Variants in RIN3 observed in about 807,000 individuals in gnomAD.
RIN3 encodes RAB5 interacting protein 3.
Under a neutral mutation model 76.3 loss-of-function variants are expected in RIN3, and 54 were observed. The ratio of observed to expected loss-of-function variants is 0.71; its 90% CI spans 0.57 to 0.89. The LOEUF is 0.89. Among genes scored for constraint, RIN3 ranks in the 40% least tolerant of loss-of-function variants. The pLI is 0.00. For missense variants in RIN3, 1,256 were observed against 1,322.1 expected (o/e 0.95, Z 0.78); for synonymous variants, 576 against 564.0 (o/e 1.02, Z -0.30).
intron 3 of RIN3, among the ~76,000 whole-genome samples, chr14:92,589,463 G>A (rs1200266605): frequency 1.3e-5 from 2 of 152,136 alleles, no homozygotes; most frequent in African/African-American, 4.8e-5. Context: ...AATACTGGTC[G>A]ACTGGCTAAT....
intron 3 of RIN3, among the ~76,000 whole-genome samples, chr14:92,579,031 G>A (rs10431639): frequency 0.6 from 91,304 of 151,650 alleles, 28,172 homozygotes; most frequent in Non-Finnish European, 0.67. Flanking sequence ...GGGTTCAAGC[G>A]ATTCTCCTGC....
intron 1 of RIN3, among the ~76,000 whole-genome samples, chr14:92,548,582 C>G (rs1432410830): frequency 1.3e-5 from 2 of 152,134 alleles, no homozygotes; most frequent in Admixed American, 6.5e-5. Context: ...ATGCCTCTCC[C>G]CGAGCTCCTG....
chr14:92,623,827 A>C lies in RIN3; in HGVS notation c.440+8348A>C, dbSNP rs750623697. Among the ~76,000 whole-genome samples the C allele has an allele frequency of 2.6e-5, 4 of 152,130 alleles. No individual in the cohort carries two copies. The highest frequency in any genetic ancestry group is 5.9e-5 in the Non-Finnish European group (4 of 68,020). Reference sequence around the variant, plus strand: ...CCTTTAGGTCCCCAAGAAACTCCAAATTTTTTCCCTGTCGTGAGAGACAGG... The same window carrying C: ...CCTTTAGGTCCCCAAGAAACTCCAACTTTTTTCCCTGTCGTGAGAGACAGG... On this transcript the variant is annotated intron_variant, in intron 4 of 9. Transcript: ENST00000216487. The surrounding 1 kb of genome is among the most constrained non-coding windows in gnomAD (Gnocchi z 4.9).
rs532017124 is a variant in RIN3 at position 92,568,979 on chromosome 14, C to G, written c.250-8381C>G. ...GGCCCTAGTCCTGCTCTGGCAGTTG[C>G]CAGCTGTGTGGCTCTGGGGAGGACT... On this transcript the variant is annotated intron_variant, in intron 2 of 9. Coordinates refer to ENST00000216487, the MANE Select transcript of RIN3 (RefSeq NM_024832.5). The surrounding 1 kb of genome is among the most constrained non-coding windows in gnomAD (Gnocchi z 4.2). Among the ~76,000 whole-genome samples, 10 of 152,328 alleles carry G rather than the reference C, an allele frequency of 6.6e-5. No homozygotes were observed. The highest frequency in any genetic ancestry group is 5.9e-4 in the Admixed American group (9 of 15,304).
chr14:92,670,595 A>C (rs938144201), intron 7 of RIN3, among the ~76,000 whole-genome samples: 1 of 152,162 alleles, frequency 6.6e-6, no homozygotes, highest in Non-Finnish European at 1.5e-5. Context: ...GTCCATGAGG[A>C]GCTATCATGC....
At position 92,554,091 on chromosome 14, in the gene RIN3, G is replaced by A. The variant is rs77833951; in HGVS notation, c.45-1660G>A. The stretch of plus-strand genomic sequence containing the variant: ...GGCAAGATGGAAGGCACCATCCACA[G>A]CTTCATGGCTTTCTGGGTACCCTTG... On this transcript the variant is annotated intron_variant, in intron 1 of 9. Coordinates refer to ENST00000216487, the MANE Select transcript of RIN3 (RefSeq NM_024832.5). 3.7e-3 allele frequency among the ~76,000 whole-genome samples: 562 copies of A among 152,288 alleles called. 2 individuals carry two copies. Among genetic ancestry groups the A allele is most frequent in the Middle Eastern group, 0.014 (4 of 294 alleles).
chr14:92,589,303 C>T (rs1301573129), intron 3 of RIN3, among the ~76,000 whole-genome samples: 1 of 152,068 alleles, frequency 6.6e-6, no homozygotes, highest in Non-Finnish European at 1.5e-5. Context: ...CTCCCCACTC[C>T]TCTCAGCTCA....
chr14:92,556,828 C>T (rs1372964377), intron 2 of RIN3, among the ~76,000 whole-genome samples: 2 of 152,214 alleles, frequency 1.3e-5, no homozygotes, highest in Non-Finnish European at 2.9e-5. Context: ...ATCTTTTCCA[C>T]CTACTGTAAC....
At chr14:92,665,700 T>C (rs942486213) in intron 7 of RIN3, among the ~76,000 whole-genome samples, 4 of 151,680 alleles carry the variant, frequency 2.6e-5, no homozygotes, top group Admixed American at 6.6e-5. Context: ...TTAATGATAT[T>C]GATGTTTCTG....
chr14:92,606,411 G>T (rs1480627498), intron 3 of RIN3, among the ~76,000 whole-genome samples: 18 of 152,036 alleles, frequency 1.2e-4, no homozygotes, highest in Admixed American at 1.2e-3. Flanking sequence ...TGGGCATGGT[G>T]GTGCATGCCT....
At chr14:92,613,180 C>A (rs1338086358) in intron 3 of RIN3, among the ~76,000 whole-genome samples, 1 of 152,198 alleles carries the variant, frequency 6.6e-6, no homozygotes, top group Admixed American at 6.5e-5. Flanking sequence ...GATGGAACCT[C>A]TGTCTCCCCT....
intron 1 of RIN3, among the ~76,000 whole-genome samples, chr14:92,542,652 A>G (rs778880803): frequency 6.6e-6 from 1 of 152,244 alleles, no homozygotes; most frequent in Non-Finnish European, 1.5e-5. Context: ...ATATCCCCAA[A>G]TTGGAAACTA....
chr14:92,535,546 C>T (rs577494460), intron 1 of RIN3, among the ~76,000 whole-genome samples: 5 of 151,844 alleles, frequency 3.3e-5, no homozygotes, highest in African/African-American at 7.2e-5. Context: ...CGTGCACGCA[C>T]GTGCATACTG....
intron 3 of RIN3, among the ~76,000 whole-genome samples, chr14:92,594,581 G>C (rs867434211): frequency 3.3e-5 from 5 of 152,084 alleles, no homozygotes; most frequent in Non-Finnish European, 5.9e-5. Context: ...TACAAAGAAG[G>C]AATCTCAAAA....
chr14:92,527,511 G>A (rs1896771860), intron 1 of RIN3, among the ~76,000 whole-genome samples: 1 of 152,064 alleles, frequency 6.6e-6, no homozygotes. Flanking sequence ...GGATGTGATG[G>A]GACCTGTAAC....
At chr14:92,659,573 T>C (rs779547070) in intron 7 of RIN3, 104 bp downstream of exon 7, 1 of 1,130,594 alleles carries the variant, frequency 8.8e-7, no homozygotes, top group South Asian at 1.7e-5. Context: ...CCCCAGACTT[T>C]CCAGATTCAG....
Position 92,646,366 on chromosome 14 carries a change from A to T in RIN3, c.532+5037A>T, listed in dbSNP as rs147684869. Among the ~76,000 whole-genome samples, 12 of 152,328 alleles carry T rather than the reference A, an allele frequency of 7.9e-5. No homozygotes were observed. In the South Asian group the frequency reaches 2.5e-3, roughly 32 times the overall value. On this transcript the variant is annotated intron_variant, in intron 5 of 9. Transcript: ENST00000216487. ...CCACCCTCTGCACCATGCCCTCCACATGCCCGCCATGTGCTGCTTTTTCTT... is the reference window on the plus strand; with the variant it reads ...CCACCCTCTGCACCATGCCCTCCACTTGCCCGCCATGTGCTGCTTTTTCTT...
At chr14:92,553,300 G>A (rs1314779240) in intron 1 of RIN3, among the ~76,000 whole-genome samples, 1 of 152,188 alleles carries the variant, frequency 6.6e-6, no homozygotes, top group Non-Finnish European at 1.5e-5. Context: ...GTCTTTTGGT[G>A]CCAGAACATA....
In RIN3 at chr14:92,652,767, T is replaced by G. The variant is rs1446057959; in HGVS notation, c.1718T>G (p.Met573Arg). ...CCCAGCGTGAAGAAGAAGCCCTCCA[T>G]GATCCTGGGCAAGGCTCGGCACCGG... Reference protein sequence around the residue: ...SSPSVKKKPSMILGKARHRLS... With the variant: ...SSPSVKKKPSRILGKARHRLS... The change falls in exon 6 of 10, where the codon ATG becomes AGG. Residue 573 changes from methionine to arginine, a missense_variant. Physicochemically the swap from Met to Arg is moderately conservative, Grantham distance 91 (BLOSUM62 -1). Coordinates refer to ENST00000216487, the MANE Select transcript of RIN3 (RefSeq NM_024832.5). This position sits in a 1 kb window ranked among gnomAD's most constrained non-coding sequence, Gnocchi z 6.4. The G allele has an allele frequency of 6.2e-7, 1 of 1,613,982 alleles. No homozygotes were observed. The highest frequency in any genetic ancestry group is 8.5e-7 in the Non-Finnish European group (1 of 1,180,046).
Sources: gnomAD v4.1 joint callset for allele counts (sites outside exome capture counted in the v4.1 genomes callset) on GRCh38, gnomAD v4.1.1 for gene constraint, Gnocchi (gnomAD v3.1) non-coding constraint, MANE v1.5 for transcripts, NCBI Gene and HGNC (gene_info 2026-07-23, HGNC 2026-07-21) for gene names.